The following PCDHGA9 variants were observed in gnomAD, a reference collection of about 807,000 sequenced individuals.
PCDHGA9 encodes protocadherin gamma-A9.
PCDHGA9 carries 37 observed loss-of-function variants against 62.5 expected under a neutral mutation model. That is an observed-to-expected ratio of 0.59 (90% CI 0.46 to 0.78). The LOEUF (loss-of-function observed/expected upper bound fraction) is 0.78, where lower values mean the gene tolerates loss of function less well. PCDHGA9 is among the 30% of genes least tolerant of loss of function. The pLI, the probability that PCDHGA9 is intolerant of heterozygous loss-of-function variation, is 0.00. For synonymous variants in PCDHGA9, 459 were observed against 484.6 expected (o/e 0.95, Z 0.69); for missense variants, 1,138 against 1,166.2 (o/e 0.98, Z 0.35).
intron 1 of PCDHGA9, chr5:141,478,169 G>A (rs2099436111): frequency 1.2e-6 from 2 of 1,613,716 alleles, no homozygotes; most frequent in Admixed American, 1.7e-5. Flanking sequence ...TGCCCCCCGG[G>A]AGCAGAAAAA....
chr5:141,461,258 A>G lies in PCDHGA9; in HGVS notation c.2425-33549A>G, dbSNP rs2099011921. Among the ~76,000 whole-genome samples, 4 of 152,104 alleles carry G rather than the reference A, an allele frequency of 2.6e-5. No individual in the cohort carries two copies. In the South Asian group the frequency reaches 8.3e-4, roughly 31 times the overall value. The stretch of plus-strand genomic sequence containing the variant: ...GTACTAATTTATATTCCCAGCAGCA[A>G]TGTGTAAGTGTTCTCTTTTCCCCAC... On this transcript the variant is annotated intron_variant, in intron 1 of 3. Transcript: ENST00000573521.
intron 2 of PCDHGA9, among the ~76,000 whole-genome samples, chr5:141,502,783 G>A (rs2099816035): frequency 6.6e-6 from 1 of 151,652 alleles, no homozygotes; most frequent in African/African-American, 2.4e-5. Context: ...AAAATTACCT[G>A]GATGATTTCT....
intron 1 of PCDHGA9, chr5:141,414,780 G>A (rs2095787223): frequency 1.2e-6 from 2 of 1,614,232 alleles, no homozygotes; most frequent in Non-Finnish European, 1.7e-6. Context: ...TACAGATGCA[G>A]GTGACAGCCA....
At chr5:141,420,052 C>T (rs535784301) in intron 1 of PCDHGA9, 1 of 1,614,070 alleles carries the variant, frequency 6.2e-7, no homozygotes, top group South Asian at 1.1e-5. Flanking sequence ...AGTCAGTTCT[C>T]TGCTCCAAGT....
chr5:141,464,328 C>T (rs2099081878), intron 1 of PCDHGA9, among the ~76,000 whole-genome samples: 1 of 150,722 alleles, frequency 6.6e-6, no homozygotes, highest in Admixed American at 6.6e-5. Context: ...CTGTTCAACC[C>T]ATCTATGACT....
chr5:141,503,075 G>A (rs1373753092), intron 2 of PCDHGA9, among the ~76,000 whole-genome samples: 1 of 151,438 alleles, frequency 6.6e-6, no homozygotes, highest in African/African-American at 2.4e-5. Context: ...GAATGGTCTC[G>A]ATCTCCTGAC....
chr5:141,507,915 G>A (rs1324577269), intron 3 of PCDHGA9, among the ~76,000 whole-genome samples: 2 of 152,224 alleles, frequency 1.3e-5, no homozygotes, highest in African/African-American at 4.8e-5. Flanking sequence ...AGCCAGGCCT[G>A]TGGGGCTGCT....
intron 1 of PCDHGA9, among the ~76,000 whole-genome samples, chr5:141,407,088 G>T (rs955657125): frequency 4.6e-5 from 7 of 152,058 alleles, no homozygotes; most frequent in African/African-American, 1.7e-4. Context: ...ATGAAGAATT[G>T]TTTTATTTGT....
Position 141,403,645 on chromosome 5 carries a change from A to G in PCDHGA9, c.693A>G (p.Thr231=), listed in dbSNP as rs2154534430. The G allele has an allele frequency of 6.2e-7, 1 of 1,613,922 alleles. No homozygotes were observed. The highest frequency in any genetic ancestry group is 1.1e-5 in the South Asian group (1 of 91,088). ...CCAGCACAGTGCGCATCCATGTGAC[A>G]GTGTTGGATACAAATGATAATGCCC... is the stretch of plus-strand genomic sequence containing the variant. The part of the protein sequence containing the change: ...RRSSTVRIHV[T]VLDTNDNAPV... The change falls in exon 1 of 4, where the codon ACA becomes ACG. Residue 231 remains threonine (T), a synonymous_variant. Transcript: ENST00000573521.
At chr5:141,478,821 A>G (rs72790063) in intron 1 of PCDHGA9, 38,524 of 1,444,166 alleles carry the variant, frequency 0.027, 650 homozygotes, top group East Asian at 0.045. Flanking sequence ...CAACTAACCA[A>G]TCTTGCTAAG....
chr5:141,455,587 T>C (rs1383947901), intron 1 of PCDHGA9, among the ~76,000 whole-genome samples: 1 of 152,162 alleles, frequency 6.6e-6, no homozygotes, highest in African/African-American at 2.4e-5. Flanking sequence ...CCTTTTAATA[T>C]GCAAACGTAG....
chr5:141,495,892 TTGTCTC>T (rs1035324353), intron 2 of PCDHGA9, among the ~76,000 whole-genome samples: 1 of 152,198 alleles, frequency 6.6e-6, no homozygotes, highest in Admixed American at 6.5e-5. Flanking sequence ...TTGTCTCTCT[TTGTCTC>T]TGTCTCTGTA....
At chr5:141,427,897 C>T (rs866283444) in intron 1 of PCDHGA9, 1 of 1,571,008 alleles carries the variant, frequency 6.4e-7, no homozygotes. Context: ...CAGGGCTCGC[C>T]CGCGCTCAGC....
At position 141,486,272 on chromosome 5, in the gene PCDHGA9, A is replaced by C. The variant is rs2099627166; in HGVS notation, c.2425-8535A>C. On this transcript the variant is annotated intron_variant, in intron 1 of 3. Transcript: ENST00000573521. The surrounding 1 kb of genome is among the most constrained non-coding windows in gnomAD (Gnocchi z 5.0). ...CCTCCCCGAGAGTGCAGAACCTGGC[A>C]CTGTGGTGGCACTTATCAGTGTGCA... 1 of 1,613,886 alleles carries C rather than the reference A, an allele frequency of 6.2e-7. No individual in the cohort carries two copies. Among genetic ancestry groups the C allele is most frequent in the Non-Finnish European group, 8.5e-7 (1 of 1,179,986 alleles).
chr5:141,490,157 G>A lies in PCDHGA9; in HGVS notation c.2425-4650G>A. 6.2e-7 allele frequency: 1 copy of A among 1,614,210 alleles called. No homozygotes were observed. On this transcript the variant is annotated intron_variant, in intron 1 of 3. Transcript: ENST00000573521. The surrounding 1 kb of genome is among the most constrained non-coding windows in gnomAD (Gnocchi z 5.4). ...AGCAGTGGGGCAATCCATGTGTTGG[G>A]TCCCATAGACTTTGAGGAGTCACGT...
At position 141,476,387 on chromosome 5, in the gene PCDHGA9, C is replaced by A. The variant is rs147660262; in HGVS notation, c.2425-18420C>A. ...GACCGGAGAGATGTTTGTGAACGAC[C>A]GTCTGGATCGAGAGGAGCTGTGTGG... is the stretch of plus-strand genomic sequence containing the variant. On this transcript the variant is annotated intron_variant, in intron 1 of 3. Transcript: ENST00000573521. The surrounding 1 kb of genome is among the most constrained non-coding windows in gnomAD (Gnocchi z 7.6). 1.2e-6 allele frequency: 2 copies of A among 1,614,076 alleles called. No individual in the cohort carries two copies. Among genetic ancestry groups the A allele is most frequent in the Non-Finnish European group, 8.5e-7 (1 of 1,180,024 alleles).
At chr5:141,505,344 AGCT>A in intron 2 of PCDHGA9, 46 bp from the exon 3 acceptor site, 1 of 1,613,046 alleles carries the variant, frequency 6.2e-7, no homozygotes, top group South Asian at 1.1e-5. Flanking sequence ...GAGGGGCATG[AGCT>A]GTGCCGGCCT....
chr5:141,470,459 A>T (rs59770804), intron 1 of PCDHGA9, among the ~76,000 whole-genome samples: 32,627 of 152,034 alleles, frequency 0.21, 3,610 homozygotes, highest in African/African-American at 0.27. Context: ...CTTGAATAGG[A>T]TTTTCTGATA....
chr5:141,431,474 G>A lies in PCDHGA9; in HGVS notation c.2424+26098G>A, dbSNP rs747313827. 2 of 1,613,842 alleles carry A rather than the reference G, an allele frequency of 1.2e-6. No homozygotes were observed. Among genetic ancestry groups the A allele is most frequent in the East Asian group, 4.5e-5 (2 of 44,886 alleles). ...GATGGTTCTGGATGCGAACGACAACGCACCAGCGTTTGCTCAGCCCGAGTA... is the reference window on the plus strand; with the variant it reads ...GATGGTTCTGGATGCGAACGACAACACACCAGCGTTTGCTCAGCCCGAGTA... On this transcript the variant is annotated intron_variant, in intron 1 of 3. Coordinates refer to ENST00000573521, the MANE Select transcript of PCDHGA9 (RefSeq NM_018921.3). This position sits in a 1 kb window ranked among gnomAD's most constrained non-coding sequence, Gnocchi z 4.8.
Sources: allele counts gnomAD v4.1 joint callset (sites outside exome capture counted in the v4.1 genomes callset), GRCh38; gene constraint gnomAD v4.1.1; non-coding constraint Gnocchi (gnomAD v3.1); transcripts MANE v1.5; gene names NCBI Gene and HGNC (gene_info 2026-07-23, HGNC 2026-07-21).